ARHGAP5: variants seen among roughly 807,000 people sequenced by gnomAD.
The protein encoded by ARHGAP5 is Rho GTPase activating protein 5.
A neutral mutation model predicts 116.6 loss-of-function variants in ARHGAP5; 23 were observed. The ratio of observed to expected loss-of-function variants is 0.20; its 90% CI spans 0.14 to 0.28. ARHGAP5 has a LOEUF of 0.28. ARHGAP5 is among the 10% of genes least tolerant of loss of function. The probability of loss-of-function intolerance (pLI) is 1.00; values close to 1 mark genes in which losing one functional copy is unlikely to be tolerated. For missense variants in ARHGAP5, 1,405 were observed against 1,774.8 expected, an observed-to-expected ratio of 0.79 and a Z score of 3.74; for synonymous variants, 574 against 602.0, an observed-to-expected ratio of 0.95 and a Z score of 0.68.
intron 3 of ARHGAP5, among the ~76,000 whole-genome samples, chr14:32,145,803 C>G (rs1881350554): frequency 6.6e-6 from 1 of 152,134 alleles, no homozygotes; most frequent in Non-Finnish European, 1.5e-5. Flanking sequence ...AAATAGAAAA[C>G]AGTCCACTAA....
Position 32,117,269 on chromosome 14 carries a change from G to T in ARHGAP5, c.3847G>T (p.Glu1283Ter). The T allele has an allele frequency of 1.2e-6, 2 of 1,602,418 alleles. No homozygotes were observed. The highest frequency in any genetic ancestry group is 1.7e-6 in the Non-Finnish European group (2 of 1,173,326). Residue 1283 changes from glutamate (E) to a stop codon, truncating the protein, a stop_gained, in exon 3 of 7, where the codon GAA becomes TAA. Transcript: ENST00000345122. LOFTEE classifies it high-confidence loss of function. Reference protein sequence around the residue: ...PIPLFVEKCVEFIEDTGLCTE... With the variant: ...PIPLFVEKCV ...ACCACTATTTGTTGAGAAATGTGTG[G>T]AATTTATTGAAGATACAGGTAGGAT...
chr14:32,084,705 G>A (rs2041811668), intron 1 of ARHGAP5, among the ~76,000 whole-genome samples: 1 of 152,132 alleles, frequency 6.6e-6, no homozygotes, highest in Non-Finnish European at 1.5e-5. Context: ...CTTGTTTCAA[G>A]ACTAATTCAT....
At chr14:32,135,180 A>G (rs1481814506) in intron 3 of ARHGAP5, among the ~76,000 whole-genome samples, 1 of 152,228 alleles carries the variant, frequency 6.6e-6, no homozygotes, top group Non-Finnish European at 1.5e-5. Context: ...GTGCCTAGAA[A>G]GAAAAAATAC....
At chr14:32,077,573 G>T in intron 1 of ARHGAP5, 138 bp downstream of exon 1, 1 of 555,666 alleles carries the variant, frequency 1.8e-6, no homozygotes, top group South Asian at 2.2e-5. Flanking sequence ...CGGCCGCCGA[G>T]GGGAGCCTGG....
Position 32,144,629 on chromosome 14 carries a change from G to A in ARHGAP5, c.3866-1634G>A, listed in dbSNP as rs142891334. Among the ~76,000 whole-genome samples the A allele has an allele frequency of 2.8e-3, 422 of 151,970 alleles. 2 individuals are homozygous for A. The highest frequency in any genetic ancestry group is 9.5e-3 in the African/African-American group (392 of 41,450). ...CTCCCAAGTAACTGAGATTACAAGC[G>A]CCCACCACCATGCCTAGCTAATATT... On this transcript the variant is annotated intron_variant, in intron 3 of 6. Transcript: ENST00000345122.
At chr14:32,082,229 G>A (rs2041784318) in intron 1 of ARHGAP5, among the ~76,000 whole-genome samples, 1 of 152,242 alleles carries the variant, frequency 6.6e-6, no homozygotes, top group African/African-American at 2.4e-5. Flanking sequence ...CTACTCTTCT[G>A]TATTAACCAA....
intron 3 of ARHGAP5, among the ~76,000 whole-genome samples, chr14:32,145,339 G>A (rs1377243221): frequency 6.6e-6 from 1 of 152,218 alleles, no homozygotes; most frequent in African/African-American, 2.4e-5. Flanking sequence ...ACTGACAAGA[G>A]TGAGGAGGGA....
Position 32,117,250 on chromosome 14 carries a change from A to G in ARHGAP5, c.3828A>G (p.Leu1276=), listed in dbSNP as rs1879651380. ...TTACAGCTGAGAAGCCCATACCACT[A>G]TTTGTTGAGAAATGTGTGGAATTTA... is the stretch of plus-strand genomic sequence containing the variant. The part of the protein sequence containing the change: ...DLVTAEKPIP[L]FVEKCVEFIE... Residue 1276 remains leucine, a synonymous_variant, in exon 3 of 7, where the codon CTA becomes CTG. Transcript: ENST00000345122. 3.7e-6 allele frequency: 6 copies of G among 1,608,596 alleles called. No individual in the cohort carries two copies. Among genetic ancestry groups the G allele is most frequent in the Middle Eastern group, 1.6e-4 (1 of 6,064 alleles).
intron 3 of ARHGAP5, among the ~76,000 whole-genome samples, chr14:32,140,382 C>T (rs1467949594): frequency 2.0e-5 from 3 of 151,590 alleles, no homozygotes; most frequent in Non-Finnish European, 4.4e-5. Flanking sequence ...GAGATCAAGA[C>T]CATCCTGGCT....
chr14:32,126,447 G>A lies in ARHGAP5; in HGVS notation c.3865+9160G>A, dbSNP rs181821323. On this transcript the variant is annotated intron_variant, in intron 3 of 6. Coordinates refer to ENST00000345122, the MANE Select transcript of ARHGAP5 (RefSeq NM_001030055.2). Reference sequence around the variant, plus strand: ...GCATTCTCCATGTGCGTGCGCAGGTGTGTTTTCTCTTCTTTTCATAAGGAC... The same window carrying A: ...GCATTCTCCATGTGCGTGCGCAGGTATGTTTTCTCTTCTTTTCATAAGGAC... Among the ~76,000 whole-genome samples, 319 of 152,208 alleles carry A rather than the reference G, an allele frequency of 2.1e-3. 4 individuals carry two copies. The highest frequency in any genetic ancestry group is 9.7e-4 in the East Asian group (5 of 5,172).
chr14:32,117,065 G>T (rs115462135), intron 2 of ARHGAP5, 75 bp from the exon 3 acceptor site: 3 of 1,197,994 alleles, frequency 2.5e-6, no homozygotes, highest in Non-Finnish European at 3.4e-6. Context: ...GATCCGAACC[G>T]TGTATTTACA....
intron 1 of ARHGAP5, among the ~76,000 whole-genome samples, chr14:32,084,651 A>G (rs568513710): frequency 2.0e-5 from 3 of 152,188 alleles, no homozygotes; most frequent in African/African-American, 4.8e-5. Context: ...AAATTGTTCA[A>G]ATTTTTAATA....
chr14:32,137,800 C>T (rs996024340), intron 3 of ARHGAP5, among the ~76,000 whole-genome samples: 12 of 151,698 alleles, frequency 7.9e-5, no homozygotes, highest in East Asian at 3.9e-4. Flanking sequence ...GATGAAACCC[C>T]GTCTCTACTA....
At chr14:32,139,949 A>G (rs1260418390) in intron 3 of ARHGAP5, among the ~76,000 whole-genome samples, 3 of 150,466 alleles carry the variant, frequency 2.0e-5, no homozygotes, top group Non-Finnish European at 4.4e-5. Context: ...TAAAACCACT[A>G]TATGCCAGAC....
In ARHGAP5 at chr14:32,091,544, C is replaced by T. The variant is rs773707032; in HGVS notation, c.875C>T (p.Thr292Ile). 8 of 1,612,448 alleles carry T rather than the reference C, an allele frequency of 5.0e-6. No individual in the cohort carries two copies. The South Asian group carries it at 7.7e-5, about 16-fold the overall frequency. ...AGAGATTATCATGCAACTTGGAAAA[C>T]TGTTAGTAATAAATTAAAAAATCAT... The part of the protein sequence containing the change: ...TVRDYHATWK[T>I]VSNKLKNHPD... The change falls in exon 2 of 7, where the codon ACT becomes ATT. Residue 292 changes from threonine (T) to isoleucine (I), a missense_variant. Thr to Ile is a moderately conservative substitution (Grantham distance 89). This residue lies in a region of ARHGAP5 where 944 missense variants were observed against 1,095.3 expected (regional missense o/e 0.86). Coordinates refer to ENST00000345122, the MANE Select transcript of ARHGAP5 (RefSeq NM_001030055.2).
chr14:32,089,747 C>T (rs2041865714), intron 1 of ARHGAP5, among the ~76,000 whole-genome samples: 1 of 151,644 alleles, frequency 6.6e-6, no homozygotes, highest in African/African-American at 2.4e-5. Flanking sequence ...TTTTAAGTTT[C>T]TTGAATCTAA....
At chr14:32,098,602 G>A (rs145081863) in intron 2 of ARHGAP5, among the ~76,000 whole-genome samples, 1 of 152,298 alleles carries the variant, frequency 6.6e-6, no homozygotes, top group East Asian at 1.9e-4. Flanking sequence ...TAAAGGGCCT[G>A]ATAGTAAATG....
At chr14:32,084,254 T>C (rs1377379196) in intron 1 of ARHGAP5, among the ~76,000 whole-genome samples, 1 of 152,230 alleles carries the variant, frequency 6.6e-6, no homozygotes, top group Non-Finnish European at 1.5e-5. Context: ...TTACCTTTGC[T>C]GCGTGGGTTT....
At chr14:32,115,900 C>T (rs1039860407) in intron 2 of ARHGAP5, among the ~76,000 whole-genome samples, 2 of 150,990 alleles carry the variant, frequency 1.3e-5, no homozygotes, top group African/African-American at 4.9e-5. Context: ...AAGGCTGAGG[C>T]AGGAGACTTG....
Sources: gnomAD v4.1 joint callset for allele counts (sites outside exome capture counted in the v4.1 genomes callset) on GRCh38, gnomAD v4.1.1 for gene constraint, gnomAD v4.1.1 regional missense constraint, MANE v1.5 for transcripts, NCBI Gene and HGNC (gene_info 2026-07-23, HGNC 2026-07-21) for gene names.